TGFBR3: variants seen among roughly 807,000 people sequenced by gnomAD.
TGFBR3 encodes the protein transforming growth factor beta receptor 3.
In TGFBR3, 46 loss-of-function variants were observed where a neutral mutation model predicts 87.9. The ratio of observed to expected loss-of-function variants is 0.52; its 90% CI spans 0.41 to 0.67. The LOEUF (loss-of-function observed/expected upper bound fraction) is 0.67. TGFBR3 is among the 30% of genes least tolerant of loss of function. TGFBR3 has a pLI of 0.00. For missense variants in TGFBR3, 866 were observed against 1,041.9 expected, an observed-to-expected ratio of 0.83 and a Z score of 2.32; for synonymous variants, 381 against 391.6, an observed-to-expected ratio of 0.97 and a Z score of 0.32.
intron 3 of TGFBR3, among the ~76,000 whole-genome samples, chr1:91,764,317 C>CAA (rs200776741): frequency 0.29 from 22,133 of 75,504 alleles, 3,267 homozygotes; most frequent in Non-Finnish European, 0.32. Context: ...ACAAAAGAGA[C>CAA]AAAAAAAAAA....
intron 14 of TGFBR3, among the ~76,000 whole-genome samples, chr1:91,699,668 T>C (rs6657168): frequency 1.3e-5 from 2 of 152,206 alleles, no homozygotes; most frequent in African/African-American, 4.8e-5. Flanking sequence ...AAAAAAATTT[T>C]GTATCACTGT....
chr1:91,786,848 C>T (rs1674989527), intron 3 of TGFBR3, among the ~76,000 whole-genome samples: 1 of 152,062 alleles, frequency 6.6e-6, no homozygotes, highest in Non-Finnish European at 1.5e-5. Context: ...TCAGGGAAGC[C>T]AGATTGAAAA....
At chr1:91,778,738 C>T (rs560911954) in intron 3 of TGFBR3, among the ~76,000 whole-genome samples, 1 of 152,046 alleles carries the variant, frequency 6.6e-6, no homozygotes, top group Non-Finnish European at 1.5e-5. Flanking sequence ...CTGGCAATAC[C>T]AACTAAAGAT....
At chr1:91,725,165 C>A (rs917738637) in intron 7 of TGFBR3, among the ~76,000 whole-genome samples, 1 of 152,182 alleles carries the variant, frequency 6.6e-6, no homozygotes, top group Admixed American at 6.5e-5. Flanking sequence ...TTCTTGCCCA[C>A]TGCCTGGCTC....
chr1:91,876,015 G>GA (rs55856209), intron 1 of TGFBR3, among the ~76,000 whole-genome samples: 150,105 of 150,994 alleles, frequency 0.99, 74,613 homozygotes, highest in Middle Eastern at 1. Flanking sequence ...GGGAAACCAA[G>GA]AAAAAAAATG....
At chr1:91,837,180 C>A (rs1168988696) in intron 2 of TGFBR3, among the ~76,000 whole-genome samples, 4 of 151,828 alleles carry the variant, frequency 2.6e-5, no homozygotes, top group Admixed American at 2.0e-4. Flanking sequence ...ACCAAAGAAC[C>A]AAAATAACAA....
chr1:91,882,715 C>T (rs985476182), intron 1 of TGFBR3, among the ~76,000 whole-genome samples: 5 of 151,830 alleles, frequency 3.3e-5, no homozygotes, highest in South Asian at 2.1e-4. Context: ...ACTGCACTCC[C>T]GCCCGGGCGA....
Position 91,720,100 on chromosome 1 carries a change from C to T in TGFBR3, c.1206G>A (p.Pro402=), listed in dbSNP as rs1805112. The change falls in exon 9 of 17, where the codon CCG becomes CCA. Residue 402 remains proline, a synonymous_variant. Coordinates refer to ENST00000212355, the MANE Select transcript of TGFBR3 (RefSeq NM_003243.5). ...RGGEGQNGGL[P]FPFPDISRRV... Reference sequence around the variant, plus strand: ...TCCTGGAAATATCTGGGAAAGGAAACGGAAGGCCTCCATTTTGGCCTTCCC... The same window carrying T: ...TCCTGGAAATATCTGGGAAAGGAAATGGAAGGCCTCCATTTTGGCCTTCCC... 0.41 allele frequency: 664,018 copies of T among 1,613,776 alleles called. 138,302 individuals are homozygous for T. The highest frequency in any genetic ancestry group is 0.45 in the East Asian group (20,091 of 44,840).
intron 1 of TGFBR3, among the ~76,000 whole-genome samples, chr1:91,885,364 G>GA (rs572409638): frequency 7.1e-5 from 10 of 141,276 alleles, no homozygotes; most frequent in East Asian, 2.3e-4. Context: ...AACCGGGGCG[G>GA]GGGGGGGCCG....
intron 3 of TGFBR3, among the ~76,000 whole-genome samples, chr1:91,766,084 G>A (rs2100918321): frequency 6.6e-6 from 1 of 152,014 alleles, no homozygotes; most frequent in South Asian, 2.1e-4. Flanking sequence ...CTGGAGTGCA[G>A]TTGCACAATC....
At chr1:91,725,977 C>T (rs12722864) in intron 7 of TGFBR3, among the ~76,000 whole-genome samples, 9,039 of 152,258 alleles carry the variant, frequency 0.059, 355 homozygotes, top group Non-Finnish European at 0.086. Context: ...AAAGCATAAA[C>T]TGGTTGGGAG....
intron 2 of TGFBR3, among the ~76,000 whole-genome samples, chr1:91,856,115 T>G (rs1677936990): frequency 6.6e-6 from 1 of 152,086 alleles, no homozygotes; most frequent in African/African-American, 2.4e-5. Flanking sequence ...CAGGCTGGAG[T>G]GCAGTGGCGC....
intron 3 of TGFBR3, among the ~76,000 whole-genome samples, chr1:91,770,230 A>T (rs1299655098): frequency 7.0e-6 from 1 of 141,906 alleles, no homozygotes; most frequent in Non-Finnish European, 1.5e-5. Context: ...ACCCTGGATT[A>T]AAAAAAAAAA....
intron 2 of TGFBR3, among the ~76,000 whole-genome samples, chr1:91,818,077 T>C (rs544842852): frequency 5.8e-4 from 89 of 152,230 alleles, no homozygotes; most frequent in African/African-American, 1.9e-3. Context: ...TTTCCTTTTT[T>C]TTCTATTTTA....
intron 1 of TGFBR3, among the ~76,000 whole-genome samples, chr1:91,904,898 C>T (rs1250165477): frequency 6.6e-6 from 1 of 151,734 alleles, no homozygotes; most frequent in Non-Finnish European, 1.5e-5. Flanking sequence ...GATAGAGTTT[C>T]ACCATGGTGG....
chr1:91,889,030 G>A (rs1248945110), upstream of TGFBR3, among the ~76,000 whole-genome samples: 1 of 151,902 alleles, frequency 6.6e-6, no homozygotes, highest in Non-Finnish European at 1.5e-5. Flanking sequence ...TGACAAGCAC[G>A]CACCACCATG....
Position 91,680,352 on chromosome 1 carries a change from G to A in TGFBR3, c.*3387C>T, listed in dbSNP as rs564328488. The A allele has an allele frequency of 2.3e-6, 1 of 432,446 alleles. No individual in the cohort carries two copies. Among genetic ancestry groups the A allele is most frequent in the South Asian group, 1.7e-5 (1 of 59,626 alleles). 26.8% of individuals were successfully genotyped at this position (432,446 alleles called of 1,614,324 possible). ...GATAACAAGACACATATTAATAACT[G>A]ATATATATCTTTTTATTATGCACAG... On this transcript the variant is annotated 3_prime_UTR_variant, in exon 17 of 17. Transcript: ENST00000212355.
At chr1:91,742,546 T>C (rs1291480607) in intron 4 of TGFBR3, among the ~76,000 whole-genome samples, 4 of 152,216 alleles carry the variant, frequency 2.6e-5, no homozygotes, top group African/African-American at 7.2e-5. Flanking sequence ...TAAAAACCAA[T>C]TATTAAAGCA....
At chr1:91,741,835 C>T (rs923091176) in intron 4 of TGFBR3, among the ~76,000 whole-genome samples, 2 of 152,194 alleles carry the variant, frequency 1.3e-5, no homozygotes, top group South Asian at 2.1e-4. Context: ...ACTTTCTACC[C>T]TCCCAGCCGC....
Sources: gnomAD v4.1 joint callset for allele counts (sites outside exome capture counted in the v4.1 genomes callset) on GRCh38, gnomAD v4.1.1 for gene constraint, MANE v1.5 for transcripts, NCBI Gene and HGNC (gene_info 2026-07-23, HGNC 2026-07-21) for gene names.